Variants in INTS1 observed in about 807,000 individuals in gnomAD.
INTS1 encodes integrator complex subunit 1.
A neutral mutation model predicts 241.6 loss-of-function variants in INTS1; 137 were observed. The observed-to-expected ratio is 0.57, with a 90% CI of 0.49 to 0.65. The LOEUF (loss-of-function observed/expected upper bound fraction) is 0.65, where lower values mean the gene tolerates loss of function less well. INTS1 is among the 30% of genes least tolerant of loss of function. The pLI is 0.00. For synonymous variants in INTS1, 1,692 were observed against 1,337.8 expected, an observed-to-expected ratio of 1.26 and a Z score of -5.78; for missense variants, 3,073 against 3,032.2, an observed-to-expected ratio of 1.01 and a Z score of -0.32.
chr7:1,494,584 G>A, intron 14 of INTS1: 1 of 593,042 alleles, frequency 1.7e-6, no homozygotes, highest in South Asian at 1.9e-5. Context: ...TGCGGCTGGG[G>A]CTTGGAGTCA....
chr7:1,478,074 G>A (rs895855310), intron 33 of INTS1, 138 bp from the exon 34 acceptor site: 17 of 781,964 alleles, frequency 2.2e-5, no homozygotes, highest in African/African-American at 5.2e-5. Context: ...AGCCAGAGAG[G>A]AGAGTGCAGC....
Position 1,498,763 on chromosome 7 carries a change from C to G in INTS1, c.1227G>C (p.Leu409=), listed in dbSNP as rs1451019251. The change falls in exon 9 of 48, where the codon CTG becomes CTC. Residue 409 remains leucine (L), a synonymous_variant. Transcript: ENST00000404767. ...CCTTGGGCTTGAGGCGGATCTTGAT[C>G]AGGTGTGAGATGACGTCCATGTCTT... ...GSEDMDVISH[L]IKIRLKPKVL... The G allele has an allele frequency of 6.3e-7, 1 of 1,582,316 alleles. No individual in the cohort carries two copies. Among genetic ancestry groups the G allele is most frequent in the South Asian group, 1.2e-5 (1 of 86,248 alleles).
chr7:1,477,197 AGCACCT>A (rs1223865203), intron 35 of INTS1, among the ~76,000 whole-genome samples: 1 of 152,224 alleles, frequency 6.6e-6, no homozygotes, highest in Non-Finnish European at 1.5e-5. Context: ...TGGGGAGCCC[AGCACCT>A]GCCCTCCCTT....
In INTS1 at chr7:1,487,117, T is replaced by C; in HGVS notation, c.2647-16A>G. ...GCGAGGAGGCCTGGGCAGGCGACAG[T>C]GGCGCCCGCTCAGCACCTTCCAGGC... On this transcript the variant is annotated splice_polypyrimidine_tract_variant and intron_variant, in intron 20 of 47. Transcript: ENST00000404767. 1 of 1,540,336 alleles carries C rather than the reference T, an allele frequency of 6.5e-7. No individual in the cohort carries two copies. Among genetic ancestry groups the C allele is most frequent in the South Asian group, 1.2e-5 (1 of 84,144 alleles).
At position 1,470,320 on chromosome 7, in the gene INTS1, C is replaced by CG. The variant is rs1562480386; in HGVS notation, c.*256dup. On this transcript the variant is annotated 3_prime_UTR_variant, in exon 48 of 48. Transcript: ENST00000404767. ...ATTCAAAACCAGCCCAGGCCATGCCCGGGGGGATCCGCCGCTCCGCGGCAG... is the reference window on the plus strand; with the variant it reads ...ATTCAAAACCAGCCCAGGCCATGCCCGGGGGGGATCCGCCGCTCCGCGGCAG... The CG allele has an allele frequency of 2.1e-6, 1 of 470,004 alleles. No individual in the cohort carries two copies. Among genetic ancestry groups the CG allele is most frequent in the South Asian group, 3.7e-5 (1 of 27,202 alleles). The allele number at this position is 470,004 out of a possible 1,614,324, so 29.1% of individuals were successfully genotyped here. A position where few individuals can be genotyped will look rare whatever the true frequency, so the allele number is the denominator to read the frequency against.
Position 1,474,331 on chromosome 7 carries a change from T to C in INTS1, c.5666A>G (p.His1889Arg). The change falls in exon 41 of 48, where the codon CAC becomes CGC. Residue 1889 changes from histidine to arginine, a missense_variant. His to Arg is a conservative substitution (Grantham distance 29). Coordinates refer to ENST00000404767, the MANE Select transcript of INTS1 (RefSeq NM_001080453.3). ...CTGGAAGTTGAGGTGGGTGCGGCCG[T>C]GCAGGAGCGCCGCGATCATGGGCAG... ...RHLPMIAALL[H>R]GRTHLNFQEF... 6.2e-7 allele frequency: 1 copy of C among 1,603,998 alleles called. No individual in the cohort carries two copies. The highest frequency in any genetic ancestry group is 2.2e-5 in the East Asian group (1 of 44,496).
chr7:1,473,955 G>C (rs1170975843), intron 41 of INTS1, among the ~76,000 whole-genome samples: 1 of 152,252 alleles, frequency 6.6e-6, no homozygotes, highest in African/African-American at 2.4e-5. Flanking sequence ...CGGAGGGTCT[G>C]GGCTGGGCTT....
rs1781900755 is a variant in INTS1 at position 1,479,699 on chromosome 7, G to A, written c.4075-15C>T. On this transcript the variant is annotated splice_polypyrimidine_tract_variant and intron_variant, in intron 30 of 47. Transcript: ENST00000404767. ...AGCGGGAAAATCTGGAACGGGGAAG[G>A]CCAGTGTCAGGAGGAAGCGGAGGAG... is the stretch of plus-strand genomic sequence containing the variant. The A allele has an allele frequency of 6.9e-7, 1 of 1,457,222 alleles. No individual in the cohort carries two copies. Among genetic ancestry groups the A allele is most frequent in the Non-Finnish European group, 9.1e-7 (1 of 1,103,426 alleles). 90.3% of individuals were successfully genotyped at this position (1,457,222 alleles called of 1,614,324 possible).
intron 12 of INTS1, among the ~76,000 whole-genome samples, 178 bp from the exon 13 acceptor site, chr7:1,495,731 G>A (rs535953846): frequency 3.4e-4 from 52 of 152,258 alleles, no homozygotes; most frequent in Middle Eastern, 3.4e-3. Context: ...ACCCTGACGC[G>A]TGCGTGGGTG....
At chr7:1,482,393 G>A (rs945071045) in intron 27 of INTS1, 153 bp downstream of exon 27, 7 of 693,158 alleles carry the variant, frequency 1.0e-5, no homozygotes, top group Non-Finnish European at 1.6e-5. Context: ...AGCCTGCTGT[G>A]GCCAGGACAT....
chr7:1,487,012 C>G lies in INTS1; in HGVS notation c.2736G>C (p.Glu912Asp). The G allele has an allele frequency of 6.2e-7, 1 of 1,604,632 alleles. No individual in the cohort carries two copies. Among genetic ancestry groups the G allele is most frequent in the Non-Finnish European group, 8.5e-7 (1 of 1,177,956 alleles). ...CGTCCACAGCATCGTGCAGCAGGAACTCGCACAGACACTGCACGGGCAGCA... is the reference window on the plus strand; with the variant it reads ...CGTCCACAGCATCGTGCAGCAGGAAGTCGCACAGACACTGCACGGGCAGCA... ...LDVLPVQCLC[E>D]FLLHDAVDDA... Residue 912 changes from glutamate (E) to aspartate (D), a missense_variant, in exon 21 of 48, where the codon GAG becomes GAC. Transcript: ENST00000404767.
rs1584270237 is a variant in INTS1 at position 1,481,106 on chromosome 7, C to T, written c.3851-173G>A. 2 of 691,052 alleles carry T rather than the reference C, an allele frequency of 2.9e-6. No homozygotes were observed. Among genetic ancestry groups the T allele is most frequent in the South Asian group, 3.5e-5 (2 of 56,584 alleles). 42.8% of individuals were successfully genotyped at this position (691,052 alleles called of 1,614,324 possible). ...TGAGGCCCCAACAGCTCCCTCCAAG[C>T]TCAAAACACGGCCCTAGGGGGTGCC... On this transcript the variant is annotated intron_variant, in intron 28 of 47. Coordinates refer to ENST00000404767, the MANE Select transcript of INTS1 (RefSeq NM_001080453.3). This position sits in a 1 kb window ranked among gnomAD's most constrained non-coding sequence, Gnocchi z 6.8.
Position 1,497,008 on chromosome 7 carries a change from C to T in INTS1, c.1602+130G>A. ...GGACGCGTCACCGCAAACAGCCTCA[C>T]TCATCCCCGTACCCACGCTCAGCCA... On this transcript the variant is annotated intron_variant, in intron 11 of 47. Transcript: ENST00000404767. The surrounding 1 kb of genome is among the most constrained non-coding windows in gnomAD (Gnocchi z 5.3). 2.1e-6 allele frequency: 2 copies of T among 941,948 alleles called. No homozygotes were observed. The highest frequency in any genetic ancestry group is 3.5e-5 in the South Asian group (2 of 57,578). 58.3% of individuals were successfully genotyped at this position (941,948 alleles called of 1,614,324 possible). A position where few individuals can be genotyped will look rare whatever the true frequency, so the allele number is the denominator to read the frequency against.
In INTS1 at chr7:1,481,969, A is replaced by G. The variant is rs902816955; in HGVS notation, c.3704-481T>C. On this transcript the variant is annotated intron_variant, in intron 27 of 47. Transcript: ENST00000404767. This position sits in a 1 kb window ranked among gnomAD's most constrained non-coding sequence, Gnocchi z 6.8. ...AAGCTGCACGCAGGCTGCTGTGACT[A>G]TCTTCTCTCAGTGCTCAGGGCGCTC... Among the ~76,000 whole-genome samples the G allele has an allele frequency of 6.6e-6, 1 of 152,074 alleles. No homozygotes were observed. Among genetic ancestry groups the G allele is most frequent in the Non-Finnish European group, 1.5e-5 (1 of 67,988 alleles).
At chr7:1,480,591 G>T in intron 29 of INTS1, 150 bp from the exon 30 acceptor site, 1 of 903,338 alleles carries the variant, frequency 1.1e-6, no homozygotes, top group Non-Finnish European at 1.6e-6. Flanking sequence ...AAGGACCCCA[G>T]GTCTCGCTCA....
At chr7:1,476,732 G>A in intron 36 of INTS1, 62 bp downstream of exon 36, 1 of 1,612,140 alleles carries the variant, frequency 6.2e-7, no homozygotes, top group Non-Finnish European at 8.5e-7. Context: ...AGCCGGCGCT[G>A]GGAGATTTCT....
At chr7:1,485,576 T>C (rs1562500818) in intron 22 of INTS1, 107 bp from the exon 23 acceptor site, 4 of 1,197,030 alleles carry the variant, frequency 3.3e-6, no homozygotes, top group Middle Eastern at 4.0e-4. Flanking sequence ...GAGGAGAATG[T>C]GGCGCTTGCT....
intron 42 of INTS1, 71 bp downstream of exon 42, chr7:1,473,495 G>A (rs1781569776): frequency 2.0e-6 from 3 of 1,525,832 alleles, no homozygotes; most frequent in Non-Finnish European, 1.8e-6. Flanking sequence ...GGCCTTCCCA[G>A]GAACACCCTC....
intron 26 of INTS1, chr7:1,483,001 G>C: frequency 2.6e-6 from 1 of 385,696 alleles, no homozygotes; most frequent in Non-Finnish European, 4.8e-6. Context: ...GCTTTGCTTG[G>C]CTGGACCAGG....
Sources: gnomAD v4.1 joint callset for allele counts (sites outside exome capture counted in the v4.1 genomes callset) on GRCh38, gnomAD v4.1.1 for gene constraint, Gnocchi (gnomAD v3.1) non-coding constraint, MANE v1.5 for transcripts, NCBI Gene and HGNC (gene_info 2026-07-23, HGNC 2026-07-21) for gene names.